Variants in NBEA observed in about 807,000 individuals in gnomAD.
NBEA encodes the protein neurobeachin, also known as lysosomal-trafficking regulator 2.
In NBEA, 44 loss-of-function variants were observed where a neutral mutation model predicts 343.4. The observed-to-expected ratio is 0.13, with a 90% CI of 0.10 to 0.16. The LOEUF (loss-of-function observed/expected upper bound fraction) is 0.16, where lower values mean the gene tolerates loss of function less well. Ranked by LOEUF, NBEA falls within the 10% of genes least tolerant of loss-of-function variation. NBEA has a pLI of 1.00. For synonymous variants in NBEA, 1,175 were observed against 1,238.7 expected, an observed-to-expected ratio of 0.95 and a Z score of 1.08; for missense variants, 2,555 against 3,631.3, an observed-to-expected ratio of 0.70 and a Z score of 7.62.
intron 41 of NBEA, among the ~76,000 whole-genome samples, chr13:35,488,886 G>GT (rs1189223958): frequency 6.6e-6 from 1 of 151,732 alleles, no homozygotes; most frequent in Non-Finnish European, 1.5e-5. Context: ...TGGAAAAAAC[G>GT]TATTCTGAGA....
chr13:35,560,204 A>T (rs2079797386), intron 44 of NBEA, among the ~76,000 whole-genome samples: 1 of 135,990 alleles, frequency 7.4e-6, no homozygotes, highest in Non-Finnish European at 1.8e-5. Context: ...AAACCTAGGC[A>T]GTTTAGCTCC....
At chr13:35,155,132 T>TAAAAAAAA (rs753159286) in intron 18 of NBEA, among the ~76,000 whole-genome samples, 1 of 61,864 alleles carries the variant, frequency 1.6e-5, no homozygotes, top group African/African-American at 6.4e-5. Context: ...ATTCTGTCTC[T>TAAAAAAAA]AAAAAAAAAA....
chr13:35,421,747 G>A (rs749689490), intron 38 of NBEA, among the ~76,000 whole-genome samples: 59 of 152,176 alleles, frequency 3.9e-4, no homozygotes, highest in Non-Finnish European at 5.3e-4. Flanking sequence ...ATCTAAAGAT[G>A]TCTTCACTTG....
intron 8 of NBEA, among the ~76,000 whole-genome samples, chr13:35,063,917 G>A (rs1593229905): frequency 6.6e-6 from 1 of 151,998 alleles, no homozygotes; most frequent in East Asian, 1.9e-4. Context: ...ATTGAGAGGA[G>A]CAAGTAAGTG....
chr13:35,041,291 G>A, intron 2 of NBEA, 127 bp downstream of exon 2: 1 of 826,784 alleles, frequency 1.2e-6, no homozygotes, highest in Non-Finnish European at 1.8e-6. Flanking sequence ...GGAAATGTGT[G>A]GAAATTTTAC....
At chr13:35,198,537 T>C (rs2072788648) in intron 31 of NBEA, among the ~76,000 whole-genome samples, 1 of 152,180 alleles carries the variant, frequency 6.6e-6, no homozygotes, top group South Asian at 2.1e-4. Flanking sequence ...TATTATACTT[T>C]TGAGAATATT....
At chr13:35,328,559 A>G (rs1333997122) in intron 36 of NBEA, among the ~76,000 whole-genome samples, 1 of 151,966 alleles carries the variant, frequency 6.6e-6, no homozygotes, top group African/African-American at 2.4e-5. Context: ...CCCATTTTGC[A>G]TGATGTGATT....
At chr13:35,357,241 G>T (rs1274852586) in intron 38 of NBEA, among the ~76,000 whole-genome samples, 4 of 151,844 alleles carry the variant, frequency 2.6e-5, no homozygotes, top group African/African-American at 9.7e-5. Context: ...CTTACTAGCT[G>T]TATGACTTGT....
At chr13:35,564,912 A>G (rs571904210) in intron 44 of NBEA, among the ~76,000 whole-genome samples, 113 of 152,350 alleles carry the variant, frequency 7.4e-4, no homozygotes, top group Middle Eastern at 3.4e-3. Flanking sequence ...TATCACATGC[A>G]TATCCATTCC....
chr13:35,396,020 A>G (rs912666319), intron 38 of NBEA, among the ~76,000 whole-genome samples: 2 of 151,994 alleles, frequency 1.3e-5, no homozygotes, highest in African/African-American at 4.8e-5. Flanking sequence ...ATCTGTGTCT[A>G]TGTTTTTTAG....
At position 35,356,718 on chromosome 13, in the gene NBEA, G is replaced by A. The variant is rs76795485; in HGVS notation, c.6179+4395G>A. ...TTGATCTCTTGTGTTTCACCATTAC[G>A]TCTGACCTCACATCCTGCCATGCAT... On this transcript the variant is annotated intron_variant, in intron 38 of 58. Transcript: ENST00000379939. Among the ~76,000 whole-genome samples, 135 of 152,024 alleles carry A rather than the reference G, an allele frequency of 8.9e-4. 4 individuals are homozygous for A. The East Asian group carries it at 0.023, about 26-fold the overall frequency.
intron 38 of NBEA, among the ~76,000 whole-genome samples, chr13:35,375,973 G>A (rs1029747063): frequency 6.6e-6 from 1 of 151,972 alleles, no homozygotes; most frequent in Non-Finnish European, 1.5e-5. Flanking sequence ...ATTTATGAGG[G>A]GAAATTGTCT....
chr13:35,426,131 C>T (rs1003780523), intron 38 of NBEA, among the ~76,000 whole-genome samples: 51 of 152,136 alleles, frequency 3.4e-4, no homozygotes, highest in Admixed American at 3.2e-3. Context: ...TTAATTGGAG[C>T]ATTTAGCCCA....
chr13:35,132,629 CTAAGTG>C (rs2067489877), intron 17 of NBEA, among the ~76,000 whole-genome samples: 1 of 152,124 alleles, frequency 6.6e-6, no homozygotes, highest in Admixed American at 6.6e-5. Flanking sequence ...AACTATTATG[CTAAGTG>C]AAAGAAGCCA....
At chr13:35,361,409 C>G (rs1024546070) in intron 38 of NBEA, among the ~76,000 whole-genome samples, 3 of 152,046 alleles carry the variant, frequency 2.0e-5, no homozygotes, top group African/African-American at 7.2e-5. Flanking sequence ...TTTTGTTTTT[C>G]CCACAACAGT....
At chr13:35,500,589 CTGT>C (rs1348693534) in intron 41 of NBEA, among the ~76,000 whole-genome samples, 1 of 152,036 alleles carries the variant, frequency 6.6e-6, no homozygotes, top group African/African-American at 2.4e-5. Context: ...TTCTGGTAGT[CTGT>C]TGTGATTGGA....
At chr13:35,105,646 G>A (rs891487175) in intron 11 of NBEA, among the ~76,000 whole-genome samples, 10 of 152,058 alleles carry the variant, frequency 6.6e-5, no homozygotes, top group African/African-American at 2.4e-4. Flanking sequence ...CTATGAGAAT[G>A]CTAAACTTTG....
chr13:35,586,165 T>C (rs900640704), intron 46 of NBEA, among the ~76,000 whole-genome samples: 1 of 152,212 alleles, frequency 6.6e-6, no homozygotes, highest in Non-Finnish European at 1.5e-5. Context: ...AAACTGCATC[T>C]CCTGTCTTCG....
chr13:35,644,689 G>A (rs369143804), intron 49 of NBEA, among the ~76,000 whole-genome samples: 64 of 152,310 alleles, frequency 4.2e-4, no homozygotes, highest in African/African-American at 1.5e-3. Flanking sequence ...AACCAGGGCA[G>A]CGTTAACAAT....
Sources: gnomAD v4.1 joint callset for allele counts (sites outside exome capture counted in the v4.1 genomes callset) on GRCh38, gnomAD v4.1.1 for gene constraint, MANE v1.5 for transcripts, NCBI Gene and HGNC (gene_info 2026-07-23, HGNC 2026-07-21) for gene names.